SOBP: variants seen among roughly 807,000 people sequenced by gnomAD.
SOBP encodes sine oculis binding protein homolog.
A neutral mutation model predicts 53.6 loss-of-function variants in SOBP; 4 were observed. The ratio of observed to expected loss-of-function variants is 0.07; its 90% confidence interval spans 0.04 to 0.17. The LOEUF (loss-of-function observed/expected upper bound fraction) is 0.17, where lower values mean the gene tolerates loss of function less well. Among genes scored for constraint, SOBP ranks in the 10% least tolerant of loss-of-function variants. The probability of loss-of-function intolerance (pLI) is 1.00; values close to 1 mark genes in which losing one functional copy is unlikely to be tolerated. For missense variants in SOBP, 1,088 were observed against 1,204.7 expected (o/e 0.90, Z 1.43); for synonymous variants, 584 against 522.6 (o/e 1.12, Z -1.60).
intron 5 of SOBP, among the ~76,000 whole-genome samples, chr6:107,616,794 G>A (rs1204101531): frequency 6.6e-6 from 1 of 152,186 alleles, no homozygotes. Context: ...CACTCACAGC[G>A]ACGGTTGGCC....
chr6:107,654,163 G>T (rs1374563400), intron 6 of SOBP, among the ~76,000 whole-genome samples: 1 of 152,236 alleles, frequency 6.6e-6, no homozygotes, highest in Admixed American at 6.5e-5. Context: ...CTGGAATTCT[G>T]AAGATAGCTG....
intron 1 of SOBP, among the ~76,000 whole-genome samples, chr6:107,502,886 G>A (rs188463698): frequency 9.9e-5 from 15 of 152,198 alleles, no homozygotes; most frequent in African/African-American, 2.6e-4. Context: ...TCAGCCTCCC[G>A]AGTAGTTGGG....
intron 5 of SOBP, among the ~76,000 whole-genome samples, chr6:107,594,407 G>C (rs1171214739): frequency 2.0e-5 from 3 of 151,702 alleles, no homozygotes; most frequent in Non-Finnish European, 4.4e-5. Flanking sequence ...GTGCACATTT[G>C]CATGAAAACC....
chr6:107,647,090 C>T lies in SOBP; in HGVS notation c.*4-11117C>T, dbSNP rs184879605. Among the ~76,000 whole-genome samples the T allele has an allele frequency of 3.2e-4, 49 of 152,286 alleles. 3 individuals carry two copies. The highest frequency in any genetic ancestry group is 2.9e-3 in the Admixed American group (44 of 15,300). On this transcript the variant is annotated intron_variant, in intron 6 of 6. Transcript: ENST00000317357. ...GCCTGGGTTTGAAAACTGGCTGGGT[C>T]ACTTACCAGCTGTGAGGATTTGGAC...
chr6:107,570,275 C>G (rs1027281014), intron 4 of SOBP, among the ~76,000 whole-genome samples: 3 of 152,126 alleles, frequency 2.0e-5, no homozygotes, highest in African/African-American at 7.2e-5. Context: ...AGATTTATTT[C>G]ATGATAAGTT....
chr6:107,528,923 T>G (rs1325042611), intron 3 of SOBP, among the ~76,000 whole-genome samples: 1 of 152,212 alleles, frequency 6.6e-6, no homozygotes. Flanking sequence ...ACATATAAAC[T>G]CACTTTCCCC....
At chr6:107,580,994 G>A (rs1256766336) in intron 4 of SOBP, among the ~76,000 whole-genome samples, 1 of 152,208 alleles carries the variant, frequency 6.6e-6, no homozygotes, top group Non-Finnish European at 1.5e-5. Context: ...AGCGTTAAAG[G>A]ATAGAAACCC....
At chr6:107,567,027 T>C (rs868659694) in intron 4 of SOBP, among the ~76,000 whole-genome samples, 19 of 152,238 alleles carry the variant, frequency 1.2e-4, no homozygotes, top group African/African-American at 4.3e-4. Flanking sequence ...TAGTGTAACA[T>C]TGAAGTCCAT....
intron 4 of SOBP, among the ~76,000 whole-genome samples, chr6:107,567,223 G>C (rs1279624883): frequency 1.3e-5 from 2 of 152,136 alleles, no homozygotes; most frequent in African/African-American, 4.8e-5. Flanking sequence ...AAGCACATTG[G>C]GAAGACGGAC....
At chr6:107,491,041 C>A (rs1215530975) in intron 1 of SOBP, among the ~76,000 whole-genome samples, 1 of 152,120 alleles carries the variant, frequency 6.6e-6, no homozygotes, top group Non-Finnish European at 1.5e-5. Context: ...GTGGACGGTG[C>A]AGTTTCTCCC....
chr6:107,613,116 A>C (rs1786658494), intron 5 of SOBP, among the ~76,000 whole-genome samples: 1 of 152,210 alleles, frequency 6.6e-6, no homozygotes, highest in Non-Finnish European at 1.5e-5. Context: ...TGTACACTGA[A>C]GTTTGAGAAG....
intron 5 of SOBP, among the ~76,000 whole-genome samples, chr6:107,598,133 C>T (rs1476241859): frequency 6.6e-6 from 1 of 151,894 alleles, no homozygotes; most frequent in African/African-American, 2.4e-5. Context: ...GTGCATCCTT[C>T]TCATAAGAAG....
Position 107,633,986 on chromosome 6 carries a change from G to T in SOBP, c.1142G>T (p.Arg381Leu). ...SIGPPLGVPP[R>L]SPPMVMTNRG... ...GGGCCTCCCCTTGGCGTCCCGCCTC[G>T]GAGCCCTCCCATGGTGATGACCAAC... The change falls in exon 6 of 7, where the codon CGG becomes CTG. Residue 381 changes from arginine (R) to leucine (L), a missense_variant. Arg to Leu is a moderately radical substitution (Grantham distance 102). Coordinates refer to ENST00000317357, the MANE Select transcript of SOBP (RefSeq NM_018013.4). The T allele has an allele frequency of 6.2e-7, 1 of 1,613,930 alleles. No homozygotes were observed. The highest frequency in any genetic ancestry group is 8.5e-7 in the Non-Finnish European group (1 of 1,179,970).
At chr6:107,628,264 TA>T (rs1459523116) in intron 5 of SOBP, among the ~76,000 whole-genome samples, 1 of 152,206 alleles carries the variant, frequency 6.6e-6, no homozygotes, top group African/African-American at 2.4e-5. Context: ...AGGAGTTGAA[TA>T]GAGGCTTTTC....
intron 4 of SOBP, among the ~76,000 whole-genome samples, chr6:107,566,262 A>G (rs1389088440): frequency 6.6e-6 from 1 of 152,232 alleles, no homozygotes; most frequent in East Asian, 1.9e-4. Flanking sequence ...GATTTAATGC[A>G]GTGCCCAGTC....
intron 4 of SOBP, among the ~76,000 whole-genome samples, chr6:107,564,110 G>A (rs144568178): frequency 1.3e-5 from 2 of 152,304 alleles, no homozygotes; most frequent in African/African-American, 4.8e-5. Flanking sequence ...CTGTGTGAAT[G>A]TGACAATGCA....
chr6:107,511,665 T>C (rs915699164), intron 3 of SOBP: 2 of 152,252 alleles, frequency 1.3e-5, no homozygotes. Context: ...TTCTCACAGC[T>C]GCATACAGAA....
intron 6 of SOBP, among the ~76,000 whole-genome samples, chr6:107,647,755 C>T (rs1771622116): frequency 6.6e-6 from 1 of 151,568 alleles, no homozygotes; most frequent in South Asian, 2.1e-4. Flanking sequence ...AACATGGGAT[C>T]TGACCGCAGC....
intron 1 of SOBP, among the ~76,000 whole-genome samples, chr6:107,490,943 C>T (rs1266699241): frequency 6.6e-6 from 1 of 152,084 alleles, no homozygotes; most frequent in East Asian, 1.9e-4. Context: ...ACTATTTAAC[C>T]TTACGAATCC....
Sources: allele counts gnomAD v4.1 joint callset (sites outside exome capture counted in the v4.1 genomes callset), GRCh38; gene constraint gnomAD v4.1.1; transcripts MANE v1.5; gene names NCBI Gene and HGNC (gene_info 2026-07-23, HGNC 2026-07-21).